The following SDR42E1 variants were observed in gnomAD, a reference collection of about 807,000 sequenced individuals.
SDR42E1 encodes short chain dehydrogenase/reductase family 42E, member 1.
A neutral mutation model predicts 2.6 loss-of-function variants in SDR42E1; 5 were observed. The ratio of observed to expected loss-of-function variants is 1.94; its 90% confidence interval spans 1.01 to 4.08. The LOEUF (loss-of-function observed/expected upper bound fraction) is 4.08, where lower values mean the gene tolerates loss of function less well. SDR42E1 is among the 30% of genes most tolerant of loss of function. SDR42E1 has a pLI of 0.00. For synonymous variants in SDR42E1, 231 were observed against 188.3 expected, an observed-to-expected ratio of 1.23 and a Z score of -1.86; for missense variants, 596 against 478.6, an observed-to-expected ratio of 1.25 and a Z score of -2.29.
intron 1 of SDR42E1, among the ~76,000 whole-genome samples, chr16:82,004,164 A>C (rs1373196132): frequency 6.6e-6 from 1 of 152,230 alleles, no homozygotes; most frequent in Non-Finnish European, 1.5e-5. Context: ...CTACTGTTAT[A>C]ATGTTGGTAT....
At position 81,995,200 on chromosome 16, in the gene SDR42E1, C is replaced by T. The variant is rs1255174305; in HGVS notation, c.*3911G>A. 1 of 152,274 alleles carries T rather than the reference C, an allele frequency of 6.6e-6. No homozygotes were observed. The highest frequency in any genetic ancestry group is 1.5e-5 in the Non-Finnish European group (1 of 68,098). The allele number at this position is 152,274 out of a possible 1,614,324, so 9.4% of individuals were successfully genotyped here. On this transcript the variant is annotated 3_prime_UTR_variant, in exon 3 of 3. Coordinates refer to ENST00000328945, the MANE Select transcript of SDR42E1 (RefSeq NM_145168.3). ...AATCATATGGATAACCTCCCACACA[C>T]TCCTCAGAAGCCATGGGTGAGGTAG...
At chr16:82,005,241 G>GA (rs1282333629) in intron 1 of SDR42E1, among the ~76,000 whole-genome samples, 1 of 152,184 alleles carries the variant, frequency 6.6e-6, no homozygotes, top group Non-Finnish European at 1.5e-5. Context: ...TAATGCTTCA[G>GA]AAACCTGCCA....
chr16:82,000,293 T>A, intron 2 of SDR42E1, 69 bp from the exon 3 acceptor site: 1 of 1,579,790 alleles, frequency 6.3e-7, no homozygotes, highest in Non-Finnish European at 8.6e-7. Flanking sequence ...GTGTATAAAG[T>A]AATTTACCAA....
intron 1 of SDR42E1, among the ~76,000 whole-genome samples, chr16:82,008,756 G>C (rs1356114505): frequency 1.3e-5 from 2 of 152,216 alleles, no homozygotes; most frequent in Non-Finnish European, 2.9e-5. Context: ...AGAAATTCAA[G>C]CTGGCTGCAG....
rs922555549 is a variant in SDR42E1, at chr16:81,998,931, C to T, written c.*180G>A. ...AAACTAATCTCTGCTTCTGCTTTTTCATTCCCATCTGGATTAGTGCAAGGA... is the reference window on the plus strand; with the variant it reads ...AAACTAATCTCTGCTTCTGCTTTTTTATTCCCATCTGGATTAGTGCAAGGA... On this transcript the variant is annotated 3_prime_UTR_variant, in exon 3 of 3. Transcript: ENST00000328945. 1.5e-6 allele frequency: 1 copy of T among 651,502 alleles called. No homozygotes were observed. The highest frequency in any genetic ancestry group is 2.5e-6 in the Non-Finnish European group (1 of 393,058). 40.4% of individuals were successfully genotyped at this position (651,502 alleles called of 1,614,324 possible). A position where few individuals can be genotyped will look rare whatever the true frequency, so the allele number is the denominator to read the frequency against.
rs1431390856 is a variant in SDR42E1, at chr16:81,996,338, T to A, written c.*2773A>T. 6.6e-6 allele frequency: 1 copy of A among 152,162 alleles called. No individual in the cohort carries two copies. The highest frequency in any genetic ancestry group is 2.4e-5 in the African/African-American group (1 of 41,426). 9.4% of individuals were successfully genotyped at this position (152,162 alleles called of 1,614,324 possible). A position where few individuals can be genotyped will look rare whatever the true frequency, so the allele number is the denominator to read the frequency against. On this transcript the variant is annotated 3_prime_UTR_variant, in exon 3 of 3. Coordinates refer to ENST00000328945, the MANE Select transcript of SDR42E1 (RefSeq NM_145168.3). ...CTATACCTTGGGCAGTTTTAAGGCATGATTACAAGTAAAAATCAACTGGCT... is the reference window on the plus strand; with the variant it reads ...CTATACCTTGGGCAGTTTTAAGGCAAGATTACAAGTAAAAATCAACTGGCT...
chr16:82,009,707 G>C lies in SDR42E1; in HGVS notation c.-27+1680C>G, dbSNP rs147242606. Among the ~76,000 whole-genome samples the C allele has an allele frequency of 3.7e-3, 570 of 152,312 alleles. 5 individuals are homozygous for C. Among genetic ancestry groups the C allele is most frequent in the African/African-American group, 0.013 (536 of 41,570 alleles). ...TGCCTCAGATGAGACTTTGGAGTGT[G>C]GACTTTTGAGTTAATGCTAAAATGA... On this transcript the variant is annotated intron_variant, in intron 1 of 2. Coordinates refer to ENST00000328945, the MANE Select transcript of SDR42E1 (RefSeq NM_145168.3).
chr16:82,004,391 G>A (rs187684941), intron 1 of SDR42E1, among the ~76,000 whole-genome samples: 138 of 152,298 alleles, frequency 9.1e-4, no homozygotes, highest in Admixed American at 2.8e-3. Flanking sequence ...TGGTGAGTCC[G>A]CCATGGCTGG....
intron 2 of SDR42E1, 84 bp from the exon 3 acceptor site, chr16:82,000,308 G>C (rs1057039974): frequency 6.5e-7 from 1 of 1,542,252 alleles, no homozygotes. Flanking sequence ...TACCAATCAA[G>C]GTGGGGCTGA....
Position 81,998,309 on chromosome 16 carries a change from T to C in SDR42E1, c.*802A>G, listed in dbSNP as rs1912598075. The C allele has an allele frequency of 6.6e-6, 1 of 152,194 alleles. No homozygotes were observed. Among genetic ancestry groups the C allele is most frequent in the South Asian group, 2.1e-4 (1 of 4,834 alleles). The allele number at this position is 152,194 out of a possible 1,614,324, so 9.4% of individuals were successfully genotyped here. On this transcript the variant is annotated 3_prime_UTR_variant, in exon 3 of 3. Transcript: ENST00000328945. ...AGGCCTAAACTTTACAAATAGAGTA[T>C]ATCCAAATACACTTGTTGCAGGCTC...
At position 81,999,259 on chromosome 16, in the gene SDR42E1, T is replaced by G. The variant is rs187139130; in HGVS notation, c.1034A>C (p.Glu345Ala). Residue 345 changes from glutamate to alanine, a missense_variant, in exon 3 of 3, where the codon GAA becomes GCA. Coordinates refer to ENST00000328945, the MANE Select transcript of SDR42E1 (RefSeq NM_145168.3). ...GYKAQPFDLQ[E>A]AVEWFKAHGH... ...ATGGGCTTTAAACCATTCCACTGCT[T>G]CCTGGAGGTCAAATGGCTGAGCCTT... The G allele has an allele frequency of 1.4e-4, 232 of 1,614,204 alleles. No homozygotes were observed. The Admixed American group carries it at 3.8e-3, about 27-fold the overall frequency.
rs1912519429 is a variant in SDR42E1, at chr16:81,995,377, TA to T, written c.*3733del. 2 of 152,206 alleles carry T rather than the reference TA, an allele frequency of 1.3e-5. No individual in the cohort carries two copies. Among genetic ancestry groups the T allele is most frequent in the South Asian group, 4.1e-4 (2 of 4,828 alleles). 9.4% of individuals were successfully genotyped at this position (152,206 alleles called of 1,614,324 possible). ...GAACCCTAGAACTAATAGAATTTCTTAACTGCAGCGTCTCCTGACCATAGAA... is the reference window on the plus strand; with the variant it reads ...GAACCCTAGAACTAATAGAATTTCTTACTGCAGCGTCTCCTGACCATAGAA... On this transcript the variant is annotated 3_prime_UTR_variant, in exon 3 of 3. Coordinates refer to ENST00000328945, the MANE Select transcript of SDR42E1 (RefSeq NM_145168.3).
At position 81,999,052 on chromosome 16, in the gene SDR42E1, C is replaced by T. The variant is rs373405550; in HGVS notation, c.*59G>A. ...AGATATCACTGTACACATTTTAAAA[C>T]CCATGTTTCTTGAGAACCATCTCAG... is the stretch of plus-strand genomic sequence containing the variant. On this transcript the variant is annotated 3_prime_UTR_variant, in exon 3 of 3. Transcript: ENST00000328945. 4 of 1,543,862 alleles carry T rather than the reference C, an allele frequency of 2.6e-6. No homozygotes were observed. The South Asian group carries it at 3.8e-5, about 15-fold the overall frequency.
At chr16:82,001,242 A>G (rs1396087681) in intron 1 of SDR42E1, among the ~76,000 whole-genome samples, 1 of 152,142 alleles carries the variant, frequency 6.6e-6, no homozygotes, top group Non-Finnish European at 1.5e-5. Flanking sequence ...AATTGATTCA[A>G]ATTTGGTAGG....
chr16:81,999,748 G>C lies in SDR42E1; in HGVS notation c.545C>G (p.Ala182Gly). 1 of 1,614,258 alleles carries C rather than the reference G, an allele frequency of 6.2e-7. No homozygotes were observed. Among genetic ancestry groups the C allele is most frequent in the Non-Finnish European group, 8.5e-7 (1 of 1,180,048 alleles). ...CCCATAGATGCCAGCTGGCCTCAGA[G>C]CGCAGGTTCTTAAGACACCGTCGCC... The part of the protein sequence containing the change: ...DRGDGVLRTC[A>G]LRPAGIYGPG... The change falls in exon 3 of 3, where the codon GCT becomes GGT. Residue 182 changes from alanine (A) to glycine (G), a missense_variant. By Grantham distance (60) the Ala-to-Gly change is moderately conservative. Transcript: ENST00000328945.
Position 82,004,754 on chromosome 16 carries a change from G to A in SDR42E1, c.-26-3870C>T, listed in dbSNP as rs536942199. 2.6e-5 allele frequency among the ~76,000 whole-genome samples: 4 copies of A among 152,326 alleles called. No homozygotes were observed. The South Asian group carries it at 8.3e-4, about 32-fold the overall frequency. On this transcript the variant is annotated intron_variant, in intron 1 of 2. Transcript: ENST00000328945. The stretch of plus-strand genomic sequence containing the variant: ...CCACCTTGGTACTTGTGAAAGAGAA[G>A]GCTTCCCCTGGAGGAGGAAATGGGC...
chr16:82,000,790 C>A lies in SDR42E1; in HGVS notation c.68+1G>T, dbSNP rs747240899. 6.2e-7 allele frequency: 1 copy of A among 1,611,758 alleles called. No individual in the cohort carries two copies. The highest frequency in any genetic ancestry group is 8.5e-7 in the Non-Finnish European group (1 of 1,178,274). ...TGTGTATATTTTATAGATACACTTA[C>A]CGAAAACCAAAATAGCCACTTCCTC... On this transcript the variant is annotated splice_donor_variant, in intron 2 of 2. Coordinates refer to ENST00000328945, the MANE Select transcript of SDR42E1 (RefSeq NM_145168.3). LOFTEE classifies it high-confidence loss of function.
chr16:82,008,073 C>A (rs571977310), intron 1 of SDR42E1, among the ~76,000 whole-genome samples: 5 of 152,192 alleles, frequency 3.3e-5, no homozygotes, highest in Non-Finnish European at 7.3e-5. Context: ...GTAAGTCCCA[C>A]AACATCTGAT....
chr16:82,001,177 C>T (rs959013088), intron 1 of SDR42E1, among the ~76,000 whole-genome samples: 2 of 152,088 alleles, frequency 1.3e-5, no homozygotes, highest in African/African-American at 4.8e-5. Context: ...AAAAACGTTT[C>T]GAACATAAGG....
Sources: allele counts gnomAD v4.1 joint callset (sites outside exome capture counted in the v4.1 genomes callset), GRCh38; gene constraint gnomAD v4.1.1; transcripts MANE v1.5; gene names NCBI Gene and HGNC (gene_info 2026-07-23, HGNC 2026-07-21).